ENTPD7: variants seen among roughly 807,000 people sequenced by gnomAD.
The protein encoded by ENTPD7 is ectonucleoside triphosphate diphosphohydrolase 7.
In ENTPD7, 53 loss-of-function variants were observed where a neutral mutation model predicts 77.9. The ratio of observed to expected loss-of-function variants is 0.68; its 90% CI spans 0.55 to 0.85. ENTPD7 has a LOEUF of 0.85. Among genes scored for constraint, ENTPD7 ranks in the 40% least tolerant of loss-of-function variants. ENTPD7 has a pLI of 0.00. For synonymous variants in ENTPD7, 248 were observed against 274.9 expected (o/e 0.90, Z 0.97); for missense variants, 636 against 743.7 (o/e 0.86, Z 1.68).
intron 10 of ENTPD7, among the ~76,000 whole-genome samples, chr10:99,700,428 GTGTGTGTGTGTGTGTGTT>G (rs1257188865): frequency 7.6e-4 from 62 of 81,490 alleles, no homozygotes; most frequent in African/African-American, 2.4e-3. Context: ...GTGTGTGTGT[GTGTGTGTGTGTGTGTGTT>G]TATTGTCTGT....
chr10:99,676,425 A>G (rs890326475), intron 3 of ENTPD7, among the ~76,000 whole-genome samples: 2 of 152,156 alleles, frequency 1.3e-5, no homozygotes, highest in Non-Finnish European at 2.9e-5. Context: ...GAGAAAAGTT[A>G]TTCATTATGC....
At chr10:99,683,935 T>C (rs1163582545) in intron 5 of ENTPD7, among the ~76,000 whole-genome samples, 1 of 152,242 alleles carries the variant, frequency 6.6e-6, no homozygotes, top group Non-Finnish European at 1.5e-5. Context: ...TTTATTTTAT[T>C]GTTTGATGAT....
intron 3 of ENTPD7, among the ~76,000 whole-genome samples, chr10:99,669,756 T>TTG (rs1238689794): frequency 5.3e-5 from 7 of 132,088 alleles, no homozygotes; most frequent in Admixed American, 4.6e-4. Flanking sequence ...TTTTTTTTTT[T>TTG]TTTTTTTTTT....
chr10:99,672,307 C>T (rs1035876074), intron 3 of ENTPD7, among the ~76,000 whole-genome samples: 2 of 138,678 alleles, frequency 1.4e-5, no homozygotes, highest in African/African-American at 5.4e-5. Flanking sequence ...GTTACTTGAT[C>T]TTTTTTTTTT....
rs138008363 is a variant in ENTPD7 at position 99,668,782 on chromosome 10, G to C, written c.191+7154G>C. On this transcript the variant is annotated intron_variant, in intron 3 of 12. Transcript: ENST00000370489. ...AAACACTTGCTACCTTAATTTAACA[G>C]CTTAAAAAAGTTTTAACACAAGCGC... Among the ~76,000 whole-genome samples, 914 of 152,108 alleles carry C rather than the reference G, an allele frequency of 6.0e-3. 4 individuals carry two copies. The highest frequency in any genetic ancestry group is 0.021 in the African/African-American group (884 of 41,528).
intron 9 of ENTPD7, chr10:99,697,417 CTCCTT>C (rs1371312953): frequency 6.4e-6 from 1 of 156,678 alleles, no homozygotes; most frequent in Non-Finnish European, 1.4e-5. Flanking sequence ...TTTTGTTCTA[CTCCTT>C]TCTTTTCTGT....
intron 3 of ENTPD7, among the ~76,000 whole-genome samples, chr10:99,673,425 A>AG (rs1466400900): frequency 1.3e-5 from 2 of 152,256 alleles, no homozygotes; most frequent in Admixed American, 1.3e-4. Flanking sequence ...TGAAAGTGTA[A>AG]GAAACCTGAT....
Position 99,706,287 on chromosome 10 carries a change from T to C in ENTPD7, c.*1604T>C, listed in dbSNP as rs1452176457. Reference sequence around the variant, plus strand: ...AGATAAAAAGATGACCAGTCTTGTATTGTTTTAAAATTAGATAAACATGGA... The same window carrying C: ...AGATAAAAAGATGACCAGTCTTGTACTGTTTTAAAATTAGATAAACATGGA... On this transcript the variant is annotated 3_prime_UTR_variant, in exon 13 of 13. Coordinates refer to ENST00000370489, the MANE Select transcript of ENTPD7 (RefSeq NM_020354.5). 1 of 152,140 alleles carries C rather than the reference T, an allele frequency of 6.6e-6. No homozygotes were observed. The allele number at this position is 152,140 out of a possible 1,614,324, so 9.4% of individuals were successfully genotyped here.
At chr10:99,701,578 G>C (rs1047628561) in intron 11 of ENTPD7, among the ~76,000 whole-genome samples, 1 of 151,562 alleles carries the variant, frequency 6.6e-6, no homozygotes, top group East Asian at 1.9e-4. Flanking sequence ...ATGAGCCACC[G>C]GGCCCGGCCA....
chr10:99,680,621 C>G (rs1034450184), intron 5 of ENTPD7, among the ~76,000 whole-genome samples: 9 of 151,962 alleles, frequency 5.9e-5, no homozygotes, highest in African/African-American at 2.2e-4. Context: ...AGGGTCTGCT[C>G]TGTTGCCCAG....
Position 99,709,462 on chromosome 10 carries a change from T to C in ENTPD7, c.*4779T>C. The C allele has an allele frequency of 1.0e-6, 1 of 985,424 alleles. No homozygotes were observed. Among genetic ancestry groups the C allele is most frequent in the Non-Finnish European group, 1.2e-6 (1 of 829,932 alleles). 61.0% of individuals were successfully genotyped at this position (985,424 alleles called of 1,614,324 possible). A position where few individuals can be genotyped will look rare whatever the true frequency, so the allele number is the denominator to read the frequency against. ...ATAACTTGTGAGGATTTTCCTGGTG[T>C]TACAAAAAATATTGCTGTTAAAAAA... On this transcript the variant is annotated 3_prime_UTR_variant, in exon 13 of 13. Coordinates refer to ENST00000370489, the MANE Select transcript of ENTPD7 (RefSeq NM_020354.5).
chr10:99,696,138 G>A lies in ENTPD7; in HGVS notation c.1010+16G>A, dbSNP rs2035971129. 1 of 1,611,796 alleles carries A rather than the reference G, an allele frequency of 6.2e-7. No homozygotes were observed. Among genetic ancestry groups the A allele is most frequent in the African/African-American group, 1.3e-5 (1 of 74,742 alleles). ...ACAAAAACAGGTACATTTGATATGG[G>A]ATCTGAGTTTCTGAAATATAATGTC... On this transcript the variant is annotated intron_variant, in intron 9 of 12. Coordinates refer to ENST00000370489, the MANE Select transcript of ENTPD7 (RefSeq NM_020354.5).
intron 8 of ENTPD7, among the ~76,000 whole-genome samples, chr10:99,692,641 C>T (rs532099308): frequency 2.6e-5 from 4 of 151,634 alleles, no homozygotes; most frequent in African/African-American, 9.7e-5. Flanking sequence ...CAGGGAATGA[C>T]GAATAGCCTT....
chr10:99,696,176 T>C (rs1420922227), intron 9 of ENTPD7, 54 bp downstream of exon 9: 1 of 1,588,080 alleles, frequency 6.3e-7, no homozygotes, highest in Non-Finnish European at 8.6e-7. Context: ...GCTGCAGATA[T>C]TAGGGAGAAA....
At chr10:99,674,463 TTCTC>T (rs2035656083) in intron 3 of ENTPD7, among the ~76,000 whole-genome samples, 1 of 152,202 alleles carries the variant, frequency 6.6e-6, no homozygotes, top group Admixed American at 6.6e-5. Flanking sequence ...AACTCTCCTT[TTCTC>T]TCTCTTTCCA....
At position 99,700,811 on chromosome 10, in the gene ENTPD7, G is replaced by T. The variant is rs149185928; in HGVS notation, c.1336-162G>T. 123 of 681,204 alleles carry T rather than the reference G, an allele frequency of 1.8e-4. No individual in the cohort carries two copies. The African/African-American group carries it at 2.0e-3, about 11-fold the overall frequency. 42.2% of individuals were successfully genotyped at this position (681,204 alleles called of 1,614,324 possible). ...AGACATGGGATGACGGGAATAAACA[G>T]GGGTATGACGCAGTGTTTAGTGAAT... is the stretch of plus-strand genomic sequence containing the variant. On this transcript the variant is annotated intron_variant, in intron 10 of 12. Coordinates refer to ENST00000370489, the MANE Select transcript of ENTPD7 (RefSeq NM_020354.5).
At position 99,679,271 on chromosome 10, in the gene ENTPD7, CGA is replaced by C; in HGVS notation, c.204_205del (p.Val69ArgfsTer4). The C allele has an allele frequency of 6.2e-7, 1 of 1,613,894 alleles. No homozygotes were observed. The highest frequency in any genetic ancestry group is 8.5e-7 in the Non-Finnish European group (1 of 1,179,926). On this transcript the variant is annotated frameshift_variant, in exon 4 of 13. Transcript: ENST00000370489. LOFTEE classifies it high-confidence loss of function. ...TTTTGCCTGACTTAGGTATTTGGCT[CGA>C]GTAGGGGAGCTTGAAGCTACTGACA... Reference protein sequence around the residue: ...RDRQYERYLARVGELEATDTE... With the variant: ...RDRQYERYLAXVGELEATDTE...
At position 99,705,219 on chromosome 10, in the gene ENTPD7, A is replaced by G. The variant is rs955690890; in HGVS notation, c.*536A>G. 6.3e-6 allele frequency: 1 copy of G among 159,602 alleles called. No individual in the cohort carries two copies. Among genetic ancestry groups the G allele is most frequent in the African/African-American group, 2.4e-5 (1 of 41,502 alleles). The allele number at this position is 159,602 out of a possible 1,614,324, so 9.9% of individuals were successfully genotyped here. A position where few individuals can be genotyped will look rare whatever the true frequency, so the allele number is the denominator to read the frequency against. On this transcript the variant is annotated 3_prime_UTR_variant, in exon 13 of 13. Transcript: ENST00000370489. Reference sequence around the variant, plus strand: ...AGGAATTTCCAGGCACCAAAATGATATAACTTCCTTGCTTCCTTGACAAAG... The same window carrying G: ...AGGAATTTCCAGGCACCAAAATGATGTAACTTCCTTGCTTCCTTGACAAAG...
intron 3 of ENTPD7, among the ~76,000 whole-genome samples, chr10:99,662,968 G>A (rs752471173): frequency 7.2e-5 from 11 of 152,188 alleles, no homozygotes; most frequent in African/African-American, 2.4e-4. Flanking sequence ...AGGCATTTAC[G>A]GGACTGAGGC....
Sources: gnomAD v4.1 joint callset for allele counts (sites outside exome capture counted in the v4.1 genomes callset) on GRCh38, gnomAD v4.1.1 for gene constraint, MANE v1.5 for transcripts, NCBI Gene and HGNC (gene_info 2026-07-23, HGNC 2026-07-21) for gene names.